The following PTPRM variants were observed in gnomAD, a reference collection of about 807,000 sequenced individuals.
The protein encoded by PTPRM is protein tyrosine phosphatase receptor type M.
In PTPRM, 47 loss-of-function variants were observed where a neutral mutation model predicts 186.7. The observed-to-expected ratio is 0.25, with a 90% CI of 0.20 to 0.32. The LOEUF is 0.32. PTPRM is among the 10% of genes least tolerant of loss of function. PTPRM has a pLI of 1.00. For synonymous variants in PTPRM, 668 were observed against 674.9 expected, an observed-to-expected ratio of 0.99 and a Z score of 0.16; for missense variants, 1,494 against 1,865.0, an observed-to-expected ratio of 0.80 and a Z score of 3.66.
intron 7 of PTPRM, among the ~76,000 whole-genome samples, chr18:8,030,850 A>G (rs960100403): frequency 1.3e-5 from 2 of 152,226 alleles, no homozygotes; most frequent in Admixed American, 1.3e-4. Context: ...TATGTTTTAT[A>G]TAAAAAATCA....
At chr18:8,000,589 C>G (rs1339747082) in intron 7 of PTPRM, among the ~76,000 whole-genome samples, 1 of 152,118 alleles carries the variant, frequency 6.6e-6, no homozygotes, top group African/African-American at 2.4e-5. Context: ...ATGAGCACAT[C>G]TAAAATCAAG....
chr18:7,575,233 C>G (rs183631325), intron 1 of PTPRM, among the ~76,000 whole-genome samples: 125 of 152,284 alleles, frequency 8.2e-4, no homozygotes, highest in African/African-American at 2.8e-3. Flanking sequence ...GCCGGCCTTT[C>G]TGAGAAACAG....
intron 1 of PTPRM, among the ~76,000 whole-genome samples, chr18:7,677,523 C>T (rs1283404721): frequency 6.6e-6 from 1 of 152,154 alleles, no homozygotes; most frequent in African/African-American, 2.4e-5. Context: ...TTAGAAGGCC[C>T]TTACTTCTCT....
At chr18:8,389,856 C>T (rs145207098) in intron 31 of PTPRM, among the ~76,000 whole-genome samples, 1,631 of 152,218 alleles carry the variant, frequency 0.011, 23 homozygotes, top group African/African-American at 0.037. Context: ...GGAGAGTTCC[C>T]GGCTGAGACA....
chr18:7,650,582 T>C (rs2038676337), intron 1 of PTPRM, among the ~76,000 whole-genome samples: 1 of 152,010 alleles, frequency 6.6e-6, no homozygotes, highest in Non-Finnish European at 1.5e-5. Context: ...CACGTAACAG[T>C]ATTTTTCTTT....
At chr18:8,328,731 A>T (rs1383390451) in intron 22 of PTPRM, among the ~76,000 whole-genome samples, 1 of 152,224 alleles carries the variant, frequency 6.6e-6, no homozygotes, top group Non-Finnish European at 1.5e-5. Context: ...GTTTATACAG[A>T]CCCTGCCTGC....
intron 10 of PTPRM, 105 bp from the exon 11 acceptor site, chr18:8,088,644 G>A: frequency 1.1e-6 from 1 of 904,176 alleles, no homozygotes; most frequent in Non-Finnish European, 1.8e-6. Flanking sequence ...GCAATGTAAA[G>A]TAAATGCACT....
At chr18:8,147,030 C>T (rs1600833594) in intron 14 of PTPRM, among the ~76,000 whole-genome samples, 1 of 152,120 alleles carries the variant, frequency 6.6e-6, no homozygotes, top group African/African-American at 2.4e-5. Flanking sequence ...GATACCAGTA[C>T]CATGCTGTTT....
intron 2 of PTPRM, among the ~76,000 whole-genome samples, chr18:7,806,695 A>G (rs1055961509): frequency 1.2e-4 from 18 of 152,160 alleles, no homozygotes; most frequent in Non-Finnish European, 2.5e-4. Context: ...TGGTAAGGAC[A>G]TTCTTCATTT....
rs534013081 is a variant in PTPRM, at chr18:7,876,122, G to A, written c.197-11984G>A. Among the ~76,000 whole-genome samples the A allele has an allele frequency of 2.5e-3, 385 of 151,468 alleles. 4 individuals are homozygous for A. Among genetic ancestry groups the A allele is most frequent in the Middle Eastern group, 0.02 (6 of 294 alleles). ...GTCCTTAAGTGATGCATGACTGTGT[G>A]TGTGTGTGTGTGTGTGCATGTGTGT... On this transcript the variant is annotated intron_variant, in intron 2 of 32. Transcript: ENST00000580170.
At chr18:8,235,721 CA>C (rs746643196) in intron 14 of PTPRM, among the ~76,000 whole-genome samples, 4 of 152,080 alleles carry the variant, frequency 2.6e-5, no homozygotes, top group Admixed American at 2.0e-4. Context: ...CTACAAATTT[CA>C]CTCTAAGCAC....
At chr18:7,576,038 G>A (rs1419222136) in intron 1 of PTPRM, among the ~76,000 whole-genome samples, 1 of 152,164 alleles carries the variant, frequency 6.6e-6, no homozygotes, top group Non-Finnish European at 1.5e-5. Context: ...AAAGAGCAAG[G>A]ATTGCAGGAC....
At chr18:8,376,340 A>G (rs2095694735) in intron 25 of PTPRM, 122 bp from the exon 26 acceptor site, 2 of 1,542,666 alleles carry the variant, frequency 1.3e-6, no homozygotes, top group African/African-American at 2.8e-5. Flanking sequence ...ATGCCACTGG[A>G]GTGTACCTTT....
chr18:8,150,207 G>T (rs779640183), intron 14 of PTPRM, among the ~76,000 whole-genome samples: 1 of 152,184 alleles, frequency 6.6e-6, no homozygotes. Context: ...CTAGATTGGG[G>T]AAGTTCTCCT....
intron 7 of PTPRM, among the ~76,000 whole-genome samples, chr18:8,016,958 C>T (rs2147922788): frequency 6.6e-6 from 1 of 152,258 alleles, no homozygotes; most frequent in Middle Eastern, 3.4e-3. Context: ...CTCTCTGGTT[C>T]CAACATTTAC....
At position 8,033,960 on chromosome 18, in the gene PTPRM, G is replaced by A. The variant is rs575988321; in HGVS notation, c.1133-35726G>A. On this transcript the variant is annotated intron_variant, in intron 7 of 32. Coordinates refer to ENST00000580170, the MANE Select transcript of PTPRM (RefSeq NM_001105244.2). ...TCTAGCTTCTGGTGGTTCTTGCCAC[G>A]TGCTGGTTCATTGGTTTCATCACTC... Among the ~76,000 whole-genome samples, 200 of 152,196 alleles carry A rather than the reference G, an allele frequency of 1.3e-3. 1 individual carries two copies. Among genetic ancestry groups the A allele is most frequent in the Non-Finnish European group, 2.0e-3 (137 of 67,984 alleles).
intron 5 of PTPRM, among the ~76,000 whole-genome samples, chr18:7,943,031 A>T (rs1402355597): frequency 6.6e-6 from 1 of 152,104 alleles, no homozygotes; most frequent in Non-Finnish European, 1.5e-5. Flanking sequence ...GAAGGCTTGT[A>T]TCTTTTTCCC....
intron 14 of PTPRM, among the ~76,000 whole-genome samples, chr18:8,162,543 C>T (rs1010973059): frequency 6.6e-6 from 1 of 152,186 alleles, no homozygotes; most frequent in Admixed American, 6.5e-5. Flanking sequence ...CCAGCCCACC[C>T]CAGCATGGCT....
chr18:8,050,490 T>G (rs1043916452), intron 7 of PTPRM, among the ~76,000 whole-genome samples: 1 of 151,160 alleles, frequency 6.6e-6, no homozygotes, highest in Admixed American at 6.6e-5. Context: ...ATTAGTTTCC[T>G]GAAAAAAAAA....
Sources: allele counts gnomAD v4.1 joint callset (sites outside exome capture counted in the v4.1 genomes callset), GRCh38; gene constraint gnomAD v4.1.1; transcripts MANE v1.5; gene names NCBI Gene and HGNC (gene_info 2026-07-23, HGNC 2026-07-21).